Variants in UIMC1 observed in about 807,000 individuals in gnomAD.
UIMC1 encodes the protein BRCA1-A complex subunit RAP80.
Under a neutral mutation model 84.9 loss-of-function variants are expected in UIMC1, and 42 were observed. That is an observed-to-expected ratio of 0.49 (90% CI 0.39 to 0.64). The LOEUF (loss-of-function observed/expected upper bound fraction) is 0.64, where lower values mean the gene tolerates loss of function less well. Among genes scored for constraint, UIMC1 ranks in the 30% least tolerant of loss-of-function variants. The pLI, the probability that UIMC1 is intolerant of heterozygous loss-of-function variation, is 0.00. For synonymous variants in UIMC1, 281 were observed against 293.0 expected, an observed-to-expected ratio of 0.96 and a Z score of 0.42; for missense variants, 825 against 847.6, an observed-to-expected ratio of 0.97 and a Z score of 0.33.
intron 2 of UIMC1, among the ~76,000 whole-genome samples, chr5:176,976,224 T>A (rs1418266729): frequency 6.6e-6 from 1 of 152,128 alleles, no homozygotes; most frequent in African/African-American, 2.4e-5. Flanking sequence ...CTGGAGCAGA[T>A]GGATCGCTTG....
At chr5:176,942,652 A>C (rs1392248700) in intron 10 of UIMC1, among the ~76,000 whole-genome samples, 1 of 149,692 alleles carries the variant, frequency 6.7e-6, no homozygotes, top group East Asian at 2.0e-4. Flanking sequence ...AGGCTGAGGC[A>C]GGAGAATGGT....
upstream of UIMC1, among the ~76,000 whole-genome samples, chr5:177,009,214 G>A (rs1775491916): frequency 6.6e-6 from 1 of 151,774 alleles, no homozygotes; most frequent in Non-Finnish European, 1.5e-5. The surrounding 1 kb of genome is among the most constrained non-coding windows in gnomAD (Gnocchi z 4.3). Flanking sequence ...CTCATTATGT[G>A]CCCAGGCTGG....
At chr5:176,967,510 T>A (rs1469932476) in intron 6 of UIMC1, among the ~76,000 whole-genome samples, 1 of 152,004 alleles carries the variant, frequency 6.6e-6, no homozygotes, top group African/African-American at 2.4e-5. Flanking sequence ...GCTGGCTAGG[T>A]GATAGGGAGA....
chr5:176,948,462 T>A (rs762181799), intron 9 of UIMC1, among the ~76,000 whole-genome samples: 4 of 152,256 alleles, frequency 2.6e-5, no homozygotes, highest in Non-Finnish European at 5.9e-5. Flanking sequence ...AAATAGGTAT[T>A]TCTGCCTCCA....
chr5:177,020,838 C>A (rs1355573647), intron 1 of UIMC1, among the ~76,000 whole-genome samples: 4 of 152,138 alleles, frequency 2.6e-5, no homozygotes, highest in African/African-American at 7.2e-5. Flanking sequence ...TATCATCTAG[C>A]TCATAGTAAA....
intron 2 of UIMC1, 135 bp from the exon 3 acceptor site, chr5:176,975,615 G>C (rs1250473988): frequency 1.7e-5 from 13 of 773,644 alleles, no homozygotes; most frequent in African/African-American, 1.1e-4. Context: ...TAAAACATTA[G>C]AAGATCCTTT....
chr5:176,971,754 C>T (rs2149487760), intron 3 of UIMC1, among the ~76,000 whole-genome samples: 1 of 151,908 alleles, frequency 6.6e-6, no homozygotes, highest in East Asian at 2.0e-4. Context: ...ACTAAAAACA[C>T]AAAAATTAGC....
At chr5:176,925,169 T>TA (rs1393175081) in intron 10 of UIMC1, among the ~76,000 whole-genome samples, 1 of 151,916 alleles carries the variant, frequency 6.6e-6, no homozygotes, top group African/African-American at 2.4e-5. Context: ...AAAAGCCACA[T>TA]AATCCAATTT....
At chr5:176,941,620 C>T (rs992110543) in intron 10 of UIMC1, among the ~76,000 whole-genome samples, 15 of 152,068 alleles carry the variant, frequency 9.9e-5, no homozygotes. Flanking sequence ...TTTAAATACA[C>T]CTAAGTTACA....
intron 1 of UIMC1, among the ~76,000 whole-genome samples, chr5:176,996,403 C>G (rs924318460): frequency 6.6e-6 from 1 of 152,076 alleles, no homozygotes; most frequent in Admixed American, 6.6e-5. Context: ...TCAAAATAGT[C>G]ACTGAGTGGT....
In UIMC1 at chr5:176,968,732, C is replaced by G. The variant is rs1768705754; in HGVS notation, c.1023G>C (p.Gln341His). ...AGATGCATTCATTTTTCTCACTAGC[C>G]TGCTCTCCTTGGCCACATTCATTCT... is the stretch of plus-strand genomic sequence containing the variant. ...LIQNECGQGE[Q>H]ASEKNECISE... The change falls in exon 6 of 15, where the codon CAG becomes CAC. Residue 341 changes from glutamine to histidine, a missense_variant. Transcript: ENST00000511320. The G allele has an allele frequency of 6.2e-7, 1 of 1,614,086 alleles. No individual in the cohort carries two copies. The highest frequency in any genetic ancestry group is 8.5e-7 in the Non-Finnish European group (1 of 1,180,050).
intron 1 of UIMC1, among the ~76,000 whole-genome samples, chr5:177,005,642 C>A (rs950713316): frequency 5.3e-5 from 8 of 151,962 alleles, no homozygotes; most frequent in African/African-American, 1.9e-4. Context: ...TGGTAAAGGG[C>A]TGAGAGTTGA....
intron 3 of UIMC1, among the ~76,000 whole-genome samples, chr5:176,971,627 G>A (rs1168997691): frequency 6.6e-6 from 1 of 152,220 alleles, no homozygotes; most frequent in Non-Finnish European, 1.5e-5. Context: ...TGTAAGTTAA[G>A]GCCAGGCGTG....
intron 10 of UIMC1, among the ~76,000 whole-genome samples, chr5:176,933,166 G>A (rs957855768): frequency 1.3e-5 from 2 of 152,076 alleles, no homozygotes; most frequent in African/African-American, 2.4e-5. Flanking sequence ...AAGCACCTTC[G>A]AGGCAAAAAG....
rs75219847 is a variant in UIMC1 at position 176,956,621 on chromosome 5, C to T, written c.1263-586G>A. 8.6e-3 allele frequency among the ~76,000 whole-genome samples: 1,305 copies of T among 152,234 alleles called. 15 individuals are homozygous for T. Among genetic ancestry groups the T allele is most frequent in the African/African-American group, 0.03 (1,257 of 41,532 alleles). The stretch of plus-strand genomic sequence containing the variant: ...ATTATGAATGGCTTCCTTCATCCAA[C>T]CTTCTGGTTTTCCCTGACTGCTCAT... On this transcript the variant is annotated intron_variant, in intron 7 of 14. Coordinates refer to ENST00000511320, the MANE Select transcript of UIMC1 (RefSeq NM_001199298.2).
chr5:177,022,431 T>C, intron 1 of UIMC1: 2 of 342,296 alleles, frequency 5.8e-6, no homozygotes, highest in South Asian at 1.4e-4. Context: ...TAACGGGACC[T>C]TGAGAACGAA....
intron 11 of UIMC1, among the ~76,000 whole-genome samples, chr5:176,910,058 C>A (rs887377214): frequency 6.6e-6 from 1 of 152,184 alleles, no homozygotes; most frequent in African/African-American, 2.4e-5. Context: ...TTATTAGAAG[C>A]TGGGGATATA....
intron 12 of UIMC1, 94 bp from the exon 13 acceptor site, chr5:176,907,271 A>C: frequency 7.9e-7 from 1 of 1,259,286 alleles, no homozygotes; most frequent in Non-Finnish European, 1.1e-6. Context: ...ATAGAAGAGA[A>C]AAGGTGTGGG....
intron 10 of UIMC1, among the ~76,000 whole-genome samples, chr5:176,942,875 C>A (rs1341196779): frequency 6.6e-6 from 1 of 151,040 alleles, no homozygotes; most frequent in Non-Finnish European, 1.5e-5. Context: ...GCCAACATGG[C>A]GAAACCCTGT....
Sources: allele counts gnomAD v4.1 joint callset (sites outside exome capture counted in the v4.1 genomes callset), GRCh38; gene constraint gnomAD v4.1.1; non-coding constraint Gnocchi (gnomAD v3.1); transcripts MANE v1.5; gene names NCBI Gene and HGNC (gene_info 2026-07-23, HGNC 2026-07-21).